TAB2: variants seen among roughly 807,000 people sequenced by gnomAD.
The protein encoded by TAB2 is TGF-beta activated kinase 1 (MAP3K7) binding protein 2, also known as TGF-beta-activated kinase 1 and MAP3K7-binding protein 2.
In TAB2, 3 loss-of-function variants were observed where a neutral mutation model predicts 65.0. That is an observed-to-expected ratio of 0.05 (90% CI 0.02 to 0.12). The LOEUF (loss-of-function observed/expected upper bound fraction) is 0.12, where lower values mean the gene tolerates loss of function less well. TAB2 is among the 10% of genes least tolerant of loss of function. The pLI is 1.00. For synonymous variants in TAB2, 298 were observed against 285.1 expected (o/e 1.05, Z -0.46); for missense variants, 623 against 840.3 (o/e 0.74, Z 3.20).
chr6:149,221,663 G>A (rs527968234), intron 1 of TAB2, among the ~76,000 whole-genome samples: 35 of 152,214 alleles, frequency 2.3e-4, no homozygotes, highest in African/African-American at 7.9e-4. Context: ...TAACTCGCCA[G>A]GTAAAAGTCC....
chr6:149,235,954 A>G (rs1233444956), intron 1 of TAB2, among the ~76,000 whole-genome samples: 5 of 152,216 alleles, frequency 3.3e-5, no homozygotes, highest in Admixed American at 6.5e-5. Flanking sequence ...AAAGAAAACT[A>G]TGGTCCTCTT....
chr6:149,316,006 A>T (rs1779243254), upstream of TAB2, among the ~76,000 whole-genome samples: 1 of 152,216 alleles, frequency 6.6e-6, no homozygotes. Flanking sequence ...GTACTTTATA[A>T]TGGTTTCAAA....
chr6:149,394,944 C>T (rs970784751), intron 3 of TAB2, among the ~76,000 whole-genome samples: 2 of 152,190 alleles, frequency 1.3e-5, no homozygotes, highest in African/African-American at 4.8e-5. Context: ...CCATAGACAA[C>T]AAGTAAACAA....
At chr6:149,389,206 G>A (rs973097936) in intron 3 of TAB2, among the ~76,000 whole-genome samples, 33 of 151,738 alleles carry the variant, frequency 2.2e-4, no homozygotes, top group Non-Finnish European at 4.3e-4. Flanking sequence ...CACCCGCATC[G>A]GCCTCCCAAA....
At chr6:149,309,935 C>T (rs1779140330) in intron 1 of TAB2, among the ~76,000 whole-genome samples, 1 of 151,724 alleles carries the variant, frequency 6.6e-6, no homozygotes, top group African/African-American at 2.4e-5. Context: ...TCATAGCATG[C>T]TATACACATT....
intron 2 of TAB2, among the ~76,000 whole-genome samples, chr6:149,371,502 TTATAG>T (rs1298040193): frequency 1.3e-5 from 2 of 152,340 alleles, no homozygotes; most frequent in Admixed American, 1.3e-4. Context: ...ATGCCTTTTC[TTATAG>T]TATAATGGTT....
chr6:149,255,651 T>C (rs1778010787), intron 1 of TAB2, among the ~76,000 whole-genome samples: 1 of 152,218 alleles, frequency 6.6e-6, no homozygotes, highest in African/African-American at 2.4e-5. Context: ...CTAATAAATC[T>C]GGAAGTGTTT....
At chr6:149,309,068 A>C (rs1322099152) in intron 1 of TAB2, among the ~76,000 whole-genome samples, 1 of 152,074 alleles carries the variant, frequency 6.6e-6, no homozygotes, top group Non-Finnish European at 1.5e-5. Context: ...ATATGTTCTA[A>C]GTTTATTTTC....
intron 1 of TAB2, among the ~76,000 whole-genome samples, chr6:149,225,208 G>A (rs570966280): frequency 6.6e-6 from 1 of 152,246 alleles, no homozygotes; most frequent in Non-Finnish European, 1.5e-5. Context: ...CAGGCAACAG[G>A]AACACAAACT....
At chr6:149,231,858 C>G (rs2058422157) in intron 1 of TAB2, among the ~76,000 whole-genome samples, 2 of 152,110 alleles carry the variant, frequency 1.3e-5, no homozygotes, top group South Asian at 4.1e-4. Flanking sequence ...AGTTTCACAA[C>G]TTTGGAAGCA....
At chr6:149,247,309 C>G (rs907315257) in intron 1 of TAB2, 1 of 152,352 alleles carries the variant, frequency 6.6e-6, no homozygotes, top group Non-Finnish European at 1.5e-5. Flanking sequence ...GAACCAGACA[C>G]TGTTCCAAGA....
intron 1 of TAB2, among the ~76,000 whole-genome samples, chr6:149,259,910 A>ATAGACTAT (rs1778117232): frequency 6.6e-6 from 1 of 152,238 alleles, no homozygotes; most frequent in Non-Finnish European, 1.5e-5. Flanking sequence ...AAGAAGAAGT[A>ATAGACTAT]AGACTTCATT....
At chr6:149,313,166 TTTTA>T (rs761483818), upstream of TAB2, among the ~76,000 whole-genome samples, 2 of 152,024 alleles carry the variant, frequency 1.3e-5, no homozygotes, top group Admixed American at 1.3e-4. Flanking sequence ...ATTATTTTTA[TTTTA>T]TTTATTTTTT....
chr6:149,231,484 T>C (rs953005284), intron 1 of TAB2, among the ~76,000 whole-genome samples: 5 of 152,254 alleles, frequency 3.3e-5, no homozygotes, highest in African/African-American at 1.2e-4. Context: ...TGTTTTCTTC[T>C]AATTTTCCTA....
At chr6:149,351,341 A>G (rs1780483717) in intron 1 of TAB2, among the ~76,000 whole-genome samples, 1 of 152,176 alleles carries the variant, frequency 6.6e-6, no homozygotes, top group South Asian at 2.1e-4. Flanking sequence ...GCAGCCCTGT[A>G]AGGTTTTGTT....
At chr6:149,388,954 CTTT>C (rs61577861) in intron 3 of TAB2, among the ~76,000 whole-genome samples, 19 of 113,688 alleles carry the variant, frequency 1.7e-4, no homozygotes, top group Admixed American at 1.9e-4. Flanking sequence ...TAACAGAAAT[CTTT>C]TTTTTTTTTT....
chr6:149,336,177 T>TCATTCCAAAC lies in TAB2; in HGVS notation c.-90+18162_-90+18163insCATTCCAAAC, dbSNP rs1261260604. On this transcript the variant is annotated intron_variant, in intron 1 of 6. Coordinates refer to ENST00000637181, the MANE Select transcript of TAB2 (RefSeq NM_001292034.3). ...CGTAGTAGTGCTTAACCAATATGTT[T>TCATTCCAAAC]GGAATGAATCATTGTCTTGTGCTGA... 5.9e-5 allele frequency among the ~76,000 whole-genome samples: 9 copies of TCATTCCAAAC among 152,326 alleles called. No homozygotes were observed. In the South Asian group the frequency reaches 1.9e-3, roughly 32 times the overall value.
intron 1 of TAB2, among the ~76,000 whole-genome samples, chr6:149,348,074 A>G (rs1780361647): frequency 6.6e-6 from 1 of 152,168 alleles, no homozygotes; most frequent in Admixed American, 6.5e-5. Flanking sequence ...CAGCCAATTC[A>G]CAGAAGAGAG....
At chr6:149,225,880 A>G (rs1235543291) in intron 1 of TAB2, among the ~76,000 whole-genome samples, 2 of 151,970 alleles carry the variant, frequency 1.3e-5, no homozygotes, top group Non-Finnish European at 2.9e-5. Flanking sequence ...GAGAAGCGGA[A>G]TACTAACAGC....
Sources: allele counts gnomAD v4.1 joint callset (sites outside exome capture counted in the v4.1 genomes callset), GRCh38; gene constraint gnomAD v4.1.1; transcripts MANE v1.5; gene names NCBI Gene and HGNC (gene_info 2026-07-23, HGNC 2026-07-21).